The following TCF4 variants were observed in gnomAD, a reference collection of about 807,000 sequenced individuals.
TCF4 encodes the protein SL3-3 enhancer factor 2.
Under a neutral mutation model 82.1 loss-of-function variants are expected in TCF4, and 3 were observed. That is an observed-to-expected ratio of 0.04 (90% CI 0.02 to 0.09). The LOEUF (loss-of-function observed/expected upper bound fraction) is 0.09. Ranked by LOEUF, TCF4 falls within the 10% of genes least tolerant of loss-of-function variation. The pLI, the probability that TCF4 is intolerant of heterozygous loss-of-function variation, is 1.00. For synonymous variants in TCF4, 276 were observed against 309.6 expected (o/e 0.89, Z 1.14); for missense variants, 518 against 852.7 (o/e 0.61, Z 4.89).
At chr18:55,434,762 T>TAGTGTGTGTGTG in intron 5 of TCF4, among the ~76,000 whole-genome samples, 1 of 21,338 alleles carries the variant, frequency 4.7e-5, no homozygotes, top group Admixed American at 5.2e-4. Context: ...TCTCAAGTAT[T>TAGTGTGTGTGTG]CGTGTGTGTG....
At chr18:55,403,337 C>G in intron 6 of TCF4, 117 bp downstream of exon 6, 1 of 1,149,872 alleles carries the variant, frequency 8.7e-7, no homozygotes, top group South Asian at 1.2e-5. Flanking sequence ...GAGCCATCAT[C>G]TGACTTGCCG....
chr18:55,472,379 G>A (rs769143339), intron 3 of TCF4, among the ~76,000 whole-genome samples: 4 of 152,178 alleles, frequency 2.6e-5, no homozygotes, highest in Non-Finnish European at 4.4e-5. Flanking sequence ...ATTTGGAGGT[G>A]TCAACGATCA....
chr18:55,534,089 TA>T (rs1307862886), intron 3 of TCF4, among the ~76,000 whole-genome samples: 19 of 152,240 alleles, frequency 1.2e-4, no homozygotes, highest in African/African-American at 4.3e-4. Context: ...GCTTCATGTA[TA>T]CCTTACACAC....
chr18:55,600,687 A>G (rs1263687043), intron 2 of TCF4, among the ~76,000 whole-genome samples: 2 of 152,090 alleles, frequency 1.3e-5, no homozygotes, highest in African/African-American at 2.4e-5. Flanking sequence ...AGGTTCTTCT[A>G]CCCTCTGGTG....
At chr18:55,447,127 G>A (rs2095540329) in intron 5 of TCF4, among the ~76,000 whole-genome samples, 1 of 151,974 alleles carries the variant, frequency 6.6e-6, no homozygotes. Context: ...AACAGAGCGA[G>A]ACCTTGTCTC....
intron 15 of TCF4, among the ~76,000 whole-genome samples, chr18:55,237,438 A>G (rs2049818760): frequency 6.6e-6 from 1 of 151,352 alleles, no homozygotes; most frequent in Admixed American, 6.6e-5. Flanking sequence ...CATTTTCCAT[A>G]AAGAATGTTA....
chr18:55,361,869 A>G, intron 6 of TCF4, among the ~76,000 whole-genome samples: 1 of 152,230 alleles, frequency 6.6e-6, no homozygotes, highest in East Asian at 1.9e-4. Context: ...AGGGGATTCT[A>G]CTAATACTGC....
intron 2 of TCF4, among the ~76,000 whole-genome samples, chr18:55,610,021 C>T (rs994444599): frequency 6.6e-6 from 1 of 151,944 alleles, no homozygotes; most frequent in Non-Finnish European, 1.5e-5. Flanking sequence ...ATATAATCTC[C>T]ATGAAGGCAG....
chr18:55,321,479 GA>G (rs869115769), intron 8 of TCF4: 120 of 847,900 alleles, frequency 1.4e-4, no homozygotes, highest in Admixed American at 3.0e-4. Context: ...GGAGTGGGGG[GA>G]AAAAAAGACG....
intron 3 of TCF4, chr18:55,546,718 G>A (rs571310546): frequency 2.0e-5 from 3 of 152,326 alleles, no homozygotes; most frequent in Admixed American, 6.5e-5. Context: ...GCAACCAAAA[G>A]TAGGTGAGAA....
In TCF4 at chr18:55,578,825, C is replaced by T. The variant is rs147192101; in HGVS notation, c.145+6455G>A. 3.2e-4 allele frequency among the ~76,000 whole-genome samples: 49 copies of T among 152,106 alleles called. 1 individual carries two copies. In the East Asian group the frequency reaches 9.5e-3, roughly 29 times the overall value. ...ATAAACTACATATAGTAATTACCAC[C>T]AATGCCAGTCCAGAAAGTCATTCAT... On this transcript the variant is annotated intron_variant, in intron 3 of 19. Transcript: ENST00000354452.
chr18:55,440,875 T>C (rs1367187097), intron 5 of TCF4, among the ~76,000 whole-genome samples: 1 of 152,176 alleles, frequency 6.6e-6, no homozygotes. Context: ...CTTTGGGGTG[T>C]CTGTTTATTG....
chr18:55,322,254 CCT>C lies in TCF4; in HGVS notation c.549+28103_549+28104del, dbSNP rs142035505. On this transcript the variant is annotated intron_variant, in intron 8 of 19. Transcript: ENST00000354452. ...AATTGACTCCCCCTCTCTCTCTCTC[CCT>C]CTCTTTCTTTTTTGTTTTAATTTGA... The C allele has an allele frequency of 0.012, 12,855 of 1,056,234 alleles. 87 individuals carry two copies. Among genetic ancestry groups the C allele is most frequent in the Admixed American group, 0.013 (241 of 18,336 alleles). The allele number at this position is 1,056,234 out of a possible 1,614,324, so 65.4% of individuals were successfully genotyped here.
intron 11 of TCF4, among the ~76,000 whole-genome samples, chr18:55,263,854 G>T (rs1453503482): frequency 2.0e-5 from 3 of 151,386 alleles, no homozygotes; most frequent in Non-Finnish European, 2.9e-5. Flanking sequence ...AAAGTTCAGA[G>T]CTACATTGGA....
intron 9 of TCF4, 29 bp downstream of exon 9, chr18:55,279,522 C>A (rs751889510): frequency 6.8e-6 from 11 of 1,613,378 alleles, no homozygotes; most frequent in Non-Finnish European, 8.5e-6. Context: ...TATCCAGTGG[C>A]CTTTCCCTCA....
intron 13 of TCF4, chr18:55,259,599 A>G (rs2145667151): frequency 4.2e-6 from 1 of 238,198 alleles, no homozygotes; most frequent in Middle Eastern, 1.7e-3. Flanking sequence ...CTATATTCAT[A>G]TTCATGACTA....
At chr18:55,423,640 G>C (rs1179352972) in intron 5 of TCF4, 5 of 152,296 alleles carry the variant, frequency 3.3e-5, no homozygotes. Context: ...GAGCAGATGG[G>C]ACCATTACAC....
intron 5 of TCF4, 191 bp from the exon 6 acceptor site, chr18:55,403,709 C>A (rs762671791): frequency 4.5e-6 from 7 of 1,541,950 alleles, no homozygotes; most frequent in Non-Finnish European, 6.1e-6. Flanking sequence ...AAAAAATATC[C>A]TTCATTCCTA....
At chr18:55,490,680 C>T (rs374175619) in intron 3 of TCF4, among the ~76,000 whole-genome samples, 4 of 151,908 alleles carry the variant, frequency 2.6e-5, no homozygotes, top group Admixed American at 6.6e-5. Flanking sequence ...AGTTCAGGCA[C>T]GTTAGCAACC....
Sources: gnomAD v4.1 joint callset for allele counts (sites outside exome capture counted in the v4.1 genomes callset) on GRCh38, gnomAD v4.1.1 for gene constraint, MANE v1.5 for transcripts, NCBI Gene and HGNC (gene_info 2026-07-23, HGNC 2026-07-21) for gene names.